The following QSOX1 variants were observed in gnomAD, a reference collection of about 807,000 sequenced individuals.
QSOX1 encodes the protein quiescin sulfhydryl oxidase 1, also known as sulfhydryl oxidase 1.
Under a neutral mutation model 76.1 loss-of-function variants are expected in QSOX1, and 40 were observed. That is an observed-to-expected ratio of 0.53 (90% CI 0.41 to 0.68). The LOEUF is 0.68. Among genes scored for constraint, QSOX1 ranks in the 30% least tolerant of loss-of-function variants. QSOX1 has a pLI of 0.00. For missense variants in QSOX1, 931 were observed against 974.3 expected (o/e 0.96, Z 0.59); for synonymous variants, 392 against 413.1 (o/e 0.95, Z 0.62).
At chr1:180,158,767 T>G (rs1662426802) in intron 1 of QSOX1, among the ~76,000 whole-genome samples, 1 of 152,200 alleles carries the variant, frequency 6.6e-6, no homozygotes, top group South Asian at 2.1e-4. Context: ...TGGGTAAATC[T>G]GTGCCTCTGT....
At chr1:180,163,782 G>A (rs572258346) in intron 1 of QSOX1, among the ~76,000 whole-genome samples, 8 of 152,214 alleles carry the variant, frequency 5.3e-5, no homozygotes, top group Admixed American at 4.6e-4. Context: ...AGAGCCCCCA[G>A]AGAATGTTGA....
At position 180,203,864 on chromosome 1, in the gene QSOX1, A is replaced by G. The variant is rs1468054341; in HGVS notation, c.*6827A>G. 1 of 152,228 alleles carries G rather than the reference A, an allele frequency of 6.6e-6. No homozygotes were observed. The highest frequency in any genetic ancestry group is 1.5e-5 in the Non-Finnish European group (1 of 68,042). 9.4% of individuals were successfully genotyped at this position (152,228 alleles called of 1,614,324 possible). A position where few individuals can be genotyped will look rare whatever the true frequency, so the allele number is the denominator to read the frequency against. On this transcript the variant is annotated 3_prime_UTR_variant, in exon 12 of 12. Coordinates refer to ENST00000367602, the MANE Select transcript of QSOX1 (RefSeq NM_002826.5). The stretch of plus-strand genomic sequence containing the variant: ...TCTCTCTGAGTACACTGCAGCCCTG[A>G]AGTTCTTTGAACCTGTTCTGGGTTC...
chr1:180,175,337 C>T lies in QSOX1; in HGVS notation c.383C>T (p.Thr128Ile). The part of the protein sequence containing the change: ...FPTVRFFKAF[T>I]KNGSGAVFPV... ...TGCTTCCAGTTCTTCAAGGCCTTTA[C>T]CAAGAACGGCTCGGGAGCAGTATTT... Residue 128 changes from threonine (T) to isoleucine (I), a missense_variant, in exon 3 of 12, where the codon ACC (threonine) becomes ATC (isoleucine). Thr to Ile is a moderately conservative substitution (Grantham distance 89, BLOSUM62 -1). Coordinates refer to ENST00000367602, the MANE Select transcript of QSOX1 (RefSeq NM_002826.5). 1 of 1,614,070 alleles carries T rather than the reference C, an allele frequency of 6.2e-7. No homozygotes were observed. Among genetic ancestry groups the T allele is most frequent in the Non-Finnish European group, 8.5e-7 (1 of 1,179,970 alleles).
rs1663594876 is a variant in QSOX1, at chr1:180,199,857, G to T, written c.*2820G>T. 2 of 151,762 alleles carry T rather than the reference G, an allele frequency of 1.3e-5. No homozygotes were observed. Among genetic ancestry groups the T allele is most frequent in the African/African-American group, 4.8e-5 (2 of 41,266 alleles). 9.4% of individuals were successfully genotyped at this position (151,762 alleles called of 1,614,324 possible). On this transcript the variant is annotated 3_prime_UTR_variant, in exon 12 of 12. Coordinates refer to ENST00000367602, the MANE Select transcript of QSOX1 (RefSeq NM_002826.5). Reference sequence around the variant, plus strand: ...TGTAGAGGGACTACAGCCCTGAGGGGCTGCTCCATGCGGCATTCTTGGAGG... The same window carrying T: ...TGTAGAGGGACTACAGCCCTGAGGGTCTGCTCCATGCGGCATTCTTGGAGG...
rs1021039203 is a variant in QSOX1, at chr1:180,198,657, C to T, written c.*1620C>T. 12 of 340,886 alleles carry T rather than the reference C, an allele frequency of 3.5e-5. No individual in the cohort carries two copies. Among genetic ancestry groups the T allele is most frequent in the African/African-American group, 8.6e-5 (4 of 46,512 alleles). The allele number at this position is 340,886 out of a possible 1,614,324, so 21.1% of individuals were successfully genotyped here. A position where few individuals can be genotyped will look rare whatever the true frequency, so the allele number is the denominator to read the frequency against. ...TTTCCCTCGACCTCTTTAGCTGCAGCGCCTTGCTGGGCTCCTGGGTTGGAC... is the reference window on the plus strand; with the variant it reads ...TTTCCCTCGACCTCTTTAGCTGCAGTGCCTTGCTGGGCTCCTGGGTTGGAC... On this transcript the variant is annotated 3_prime_UTR_variant, in exon 12 of 12. Transcript: ENST00000367602.
rs1192938832 is a variant in QSOX1 at position 180,198,169 on chromosome 1, C to T, written c.*1132C>T. The T allele has an allele frequency of 1.8e-5, 8 of 456,584 alleles. No homozygotes were observed. The highest frequency in any genetic ancestry group is 9.4e-5 in the Admixed American group (4 of 42,566). The allele number at this position is 456,584 out of a possible 1,614,324, so 28.3% of individuals were successfully genotyped here. ...ACACACAGCTCCTGGCCACAGACTG[C>T]CCATAGAACTGTCTGCACCCAAACC... On this transcript the variant is annotated 3_prime_UTR_variant, in exon 12 of 12. Coordinates refer to ENST00000367602, the MANE Select transcript of QSOX1 (RefSeq NM_002826.5).
intron 5 of QSOX1, among the ~76,000 whole-genome samples, chr1:180,179,936 T>C (rs1041501904): frequency 5.3e-5 from 8 of 152,182 alleles, no homozygotes; most frequent in African/African-American, 1.9e-4. Context: ...GTAGAGGTGA[T>C]AAATGGTGAT....
rs201013348 is a variant in QSOX1 at position 180,186,152 on chromosome 1, C to T, written c.987C>T (p.Ala329=). ...TCCTGGAAGGGCAGCGCCTGGTGGCCCTGAAAAAGTTTGTGGCAGTGCTGG... is the reference window on the plus strand; with the variant it reads ...TCCTGGAAGGGCAGCGCCTGGTGGCTCTGAAAAAGTTTGTGGCAGTGCTGG... ...FPVLEGQRLV[A]LKKFVAVLAK... Residue 329 remains alanine, a synonymous_variant, in exon 8 of 12, where the codon GCC becomes GCT. Transcript: ENST00000367602. 5.0e-5 allele frequency: 80 copies of T among 1,613,830 alleles called. 2 individuals carry two copies. The South Asian group carries it at 8.5e-4, about 17-fold the overall frequency.
rs1663568889 is a variant in QSOX1, at chr1:180,198,828, G to T, written c.*1791G>T. 1 of 202,070 alleles carries T rather than the reference G, an allele frequency of 4.9e-6. No homozygotes were observed. Among genetic ancestry groups the T allele is most frequent in the South Asian group, 8.7e-5 (1 of 11,546 alleles). The allele number at this position is 202,070 out of a possible 1,614,324, so 12.5% of individuals were successfully genotyped here. ...ATCAGGAGGCAACCCTGGCCTGCAAGAGGAAGACAGAGGCTCCCAGGGCCG... is the reference window on the plus strand; with the variant it reads ...ATCAGGAGGCAACCCTGGCCTGCAATAGGAAGACAGAGGCTCCCAGGGCCG... On this transcript the variant is annotated 3_prime_UTR_variant, in exon 12 of 12. Transcript: ENST00000367602.
At chr1:180,191,746 C>A (rs1464064959) in intron 10 of QSOX1, among the ~76,000 whole-genome samples, 1 of 152,136 alleles carries the variant, frequency 6.6e-6, no homozygotes, top group East Asian at 1.9e-4. Flanking sequence ...GGTGCTGGGA[C>A]CCATGTGGAG....
At position 180,197,366 on chromosome 1, in the gene QSOX1, C is replaced by G. The variant is rs1466655053; in HGVS notation, c.*329C>G. 2 of 1,613,932 alleles carry G rather than the reference C, an allele frequency of 1.2e-6. No homozygotes were observed. The highest frequency in any genetic ancestry group is 2.2e-5 in the South Asian group (2 of 91,086). ...AAGTCCTGCCTCATTCTCACTGGAG[C>G]CTCAGTCTCTCCTGCTTGGTCTTGG... On this transcript the variant is annotated 3_prime_UTR_variant, in exon 12 of 12. Coordinates refer to ENST00000367602, the MANE Select transcript of QSOX1 (RefSeq NM_002826.5).
intron 10 of QSOX1, among the ~76,000 whole-genome samples, chr1:180,191,682 G>A (rs1663318588): frequency 6.6e-6 from 1 of 152,232 alleles, no homozygotes; most frequent in Non-Finnish European, 1.5e-5. Flanking sequence ...AAGCAGTGCC[G>A]GAGCGGGTGC....
chr1:180,158,728 C>T (rs911937225), intron 1 of QSOX1, among the ~76,000 whole-genome samples: 1 of 152,110 alleles, frequency 6.6e-6, no homozygotes, highest in Non-Finnish European at 1.5e-5. Flanking sequence ...AGTCACTAGA[C>T]CACCAGGTCT....
intron 11 of QSOX1, 41 bp downstream of exon 11, chr1:180,194,433 G>A: frequency 2.0e-6 from 3 of 1,498,212 alleles, no homozygotes; most frequent in Non-Finnish European, 2.7e-6. Context: ...CACTTGTGGG[G>A]GACGAGGGGG....
chr1:180,179,416 C>T (rs1439154657), intron 5 of QSOX1, among the ~76,000 whole-genome samples: 1 of 152,230 alleles, frequency 6.6e-6, no homozygotes, highest in Non-Finnish European at 1.5e-5. Context: ...AGCCAGCTCC[C>T]CAGCGCTTCC....
Position 180,162,774 on chromosome 1 carries a change from T to G in QSOX1, c.266-3717T>G, listed in dbSNP as rs542104445. The stretch of plus-strand genomic sequence containing the variant: ...AAAAAAGCAAAACAAAAAAAATCAC[T>G]TGATCAAAATAGGATCACAGGTCAC... On this transcript the variant is annotated intron_variant, in intron 1 of 11. Transcript: ENST00000367602. 2.6e-5 allele frequency among the ~76,000 whole-genome samples: 4 copies of G among 152,242 alleles called. No homozygotes were observed. The East Asian group carries it at 7.7e-4, about 29-fold the overall frequency.
intron 1 of QSOX1, among the ~76,000 whole-genome samples, chr1:180,158,114 A>G (rs1188244811): frequency 6.6e-6 from 1 of 152,168 alleles, no homozygotes; most frequent in African/African-American, 2.4e-5. Flanking sequence ...CTCTTTTTTT[A>G]AAACAGGTAA....
chr1:180,157,719 G>A (rs1662404097), intron 1 of QSOX1, among the ~76,000 whole-genome samples: 1 of 152,122 alleles, frequency 6.6e-6, no homozygotes, highest in South Asian at 2.1e-4. Context: ...GAGCAGCTCC[G>A]GTTGTCTCAC....
At chr1:180,161,770 A>G (rs1181004862) in intron 1 of QSOX1, among the ~76,000 whole-genome samples, 1 of 152,256 alleles carries the variant, frequency 6.6e-6, no homozygotes, top group Non-Finnish European at 1.5e-5. Flanking sequence ...TAGTTCATTT[A>G]GTCTCATGTA....
Sources: gnomAD v4.1 joint callset for allele counts (sites outside exome capture counted in the v4.1 genomes callset) on GRCh38, gnomAD v4.1.1 for gene constraint, MANE v1.5 for transcripts, NCBI Gene and HGNC (gene_info 2026-07-23, HGNC 2026-07-21) for gene names.